NCOR2: variants seen among roughly 807,000 people sequenced by gnomAD.
NCOR2 encodes the protein CTG repeat protein 26.
Under a neutral mutation model 262.9 loss-of-function variants are expected in NCOR2, and 81 were observed. The observed-to-expected ratio is 0.31, with a 90% CI of 0.26 to 0.37. The LOEUF is 0.37. Ranked by LOEUF, NCOR2 falls within the 10% of genes least tolerant of loss-of-function variation. NCOR2 has a pLI of 1.00. For synonymous variants in NCOR2, 1,659 were observed against 1,559.3 expected (o/e 1.06, Z -1.51); for missense variants, 3,385 against 3,621.4 (o/e 0.93, Z 1.68).
chr12:124,430,497 C>G, intron 9 of NCOR2, 118 bp downstream of exon 11: 6 of 1,299,404 alleles, frequency 4.6e-6, no homozygotes, highest in Non-Finnish European at 6.2e-6. Context: ...GCCCTGGCCA[C>G]TGGCCTGAGA....
chr12:124,431,574 GACAC>G (rs151172779), intron 8 of NCOR2, among the ~76,000 whole-genome samples: 1 of 147,168 alleles, frequency 6.8e-6, no homozygotes, highest in South Asian at 2.1e-4. Context: ...TACACAGAGA[GACAC>G]ACACACACAG....
At chr12:124,511,182 G>A (rs1056006945) in intron 1 of NCOR2, among the ~76,000 whole-genome samples, 1 of 152,016 alleles carries the variant, frequency 6.6e-6, no homozygotes, top group Non-Finnish European at 1.5e-5. Flanking sequence ...CAGATTTCGG[G>A]GTACCACCTA....
chr12:124,468,540 ATCACCC>A (rs1243258578), intron 4 of NCOR2, among the ~76,000 whole-genome samples: 1 of 7,456 alleles, frequency 1.3e-4, no homozygotes. Context: ...TCATCACCCC[ATCACCC>A]TCATCCTCAT....
At chr12:124,358,379 T>C (rs1454365307) in intron 22 of NCOR2, among the ~76,000 whole-genome samples, 4 of 151,118 alleles carry the variant, frequency 2.6e-5, no homozygotes, top group Non-Finnish European at 5.9e-5. Flanking sequence ...GTGATGTGTG[T>C]GCACGTGCAC....
At chr12:124,526,592 C>G (rs1311317311) in intron 1 of NCOR2, among the ~76,000 whole-genome samples, 1 of 152,170 alleles carries the variant, frequency 6.6e-6, no homozygotes, top group Non-Finnish European at 1.5e-5. Context: ...TCTGTCCATG[C>G]CCAGCACATG....
chr12:124,366,681 A>C (rs1010375776), intron 20 of NCOR2, among the ~76,000 whole-genome samples: 2 of 151,828 alleles, frequency 1.3e-5, no homozygotes, highest in African/African-American at 4.8e-5. Context: ...TGATTTTTGC[A>C]TTTTTTTCTT....
chr12:124,347,779 T>C (rs1352629046), intron 30 of NCOR2, 46 bp downstream of exon 32: 3 of 1,545,108 alleles, frequency 1.9e-6, no homozygotes, highest in South Asian at 1.2e-5. Flanking sequence ...CCTGCGTGAC[T>C]GTACACCCGT....
At chr12:124,439,332 GACAGAGACCC>G (rs2044664655) in intron 7 of NCOR2, among the ~76,000 whole-genome samples, 2 of 109,668 alleles carry the variant, frequency 1.8e-5, no homozygotes, top group South Asian at 3.1e-4. Flanking sequence ...CAGAGGGAGA[GACAGAGACCC>G]AGAGAGAGAG....
intron 9 of NCOR2, among the ~76,000 whole-genome samples, chr12:124,430,048 T>A (rs907000796): frequency 5.9e-5 from 9 of 152,240 alleles, no homozygotes; most frequent in Non-Finnish European, 1.3e-4. Flanking sequence ...CCCTGTCATA[T>A]GAGGATTCAA....
intron 1 of NCOR2, among the ~76,000 whole-genome samples, chr12:124,562,613 G>A (rs1427261299): frequency 1.3e-5 from 2 of 152,108 alleles, no homozygotes; most frequent in African/African-American, 4.8e-5. Flanking sequence ...AAAGACTAAT[G>A]GAAAACCTCA....
chr12:124,407,183 A>T (rs60372562), intron 13 of NCOR2, among the ~76,000 whole-genome samples: 1,967 of 152,338 alleles, frequency 0.013, 49 homozygotes, highest in African/African-American at 0.045. Context: ...CTGAACCCCC[A>T]AGGGGCACAC....
intron 22 of NCOR2, among the ~76,000 whole-genome samples, chr12:124,359,473 G>A (rs766294767): frequency 1.3e-5 from 2 of 152,246 alleles, no homozygotes; most frequent in Non-Finnish European, 2.9e-5. Flanking sequence ...CTGGACTTGT[G>A]CCCTGGCGAG....
At chr12:124,565,191 C>T (rs569006266) in intron 1 of NCOR2, among the ~76,000 whole-genome samples, 1 of 152,254 alleles carries the variant, frequency 6.6e-6, no homozygotes, top group East Asian at 1.9e-4. Flanking sequence ...TAGTATTGAT[C>T]CCCAGCAGCG....
chr12:124,472,516 T>G (rs1037881261), intron 4 of NCOR2, among the ~76,000 whole-genome samples: 1 of 152,114 alleles, frequency 6.6e-6, no homozygotes, highest in Non-Finnish European at 1.5e-5. Context: ...ATAAGGAAAG[T>G]GAAGCACAGA....
intron 3 of NCOR2, among the ~76,000 whole-genome samples, chr12:124,477,702 G>A (rs1470181223): frequency 3.3e-5 from 5 of 152,236 alleles, no homozygotes; most frequent in East Asian, 1.9e-4. Context: ...TTCCCAGGAC[G>A]GGGGCTGAGG....
At chr12:124,538,839 G>A (rs1363045894), upstream of NCOR2, 1 of 152,306 alleles carries the variant, frequency 6.6e-6, no homozygotes, top group African/African-American at 2.4e-5. Context: ...TAGTCGGGGA[G>A]GGAAGGAGAG....
At chr12:124,442,449 G>T (rs952679600) in intron 7 of NCOR2, among the ~76,000 whole-genome samples, 1 of 152,230 alleles carries the variant, frequency 6.6e-6, no homozygotes, top group Non-Finnish European at 1.5e-5. Context: ...CCTAGTTGTG[G>T]TAAGTGTTTC....
chr12:124,427,754 T>C (rs542914514), intron 10 of NCOR2, among the ~76,000 whole-genome samples: 45 of 152,248 alleles, frequency 3.0e-4, no homozygotes, highest in African/African-American at 8.9e-4. Context: ...GATGTAATAA[T>C]GGCAGGACCC....
chr12:124,521,252 G>A (rs952015511), intron 1 of NCOR2, among the ~76,000 whole-genome samples: 2 of 152,202 alleles, frequency 1.3e-5, no homozygotes, highest in African/African-American at 4.8e-5. Flanking sequence ...AGATACGAGT[G>A]GAGCAGGGTG....
Sources: allele counts gnomAD v4.1 joint callset (sites outside exome capture counted in the v4.1 genomes callset), GRCh38; gene constraint gnomAD v4.1.1; transcripts MANE v1.5; gene names NCBI Gene and HGNC (gene_info 2026-07-23, HGNC 2026-07-21).